The following FOXN3 variants were observed in gnomAD, a reference collection of about 807,000 sequenced individuals.
FOXN3 encodes the protein forkhead box N3.
In FOXN3, 7 loss-of-function variants were observed where a neutral mutation model predicts 38.4. The ratio of observed to expected loss-of-function variants is 0.18; its 90% CI spans 0.10 to 0.34. FOXN3 has a LOEUF of 0.34. Among genes scored for constraint, FOXN3 ranks in the 10% least tolerant of loss-of-function variants. FOXN3 has a pLI of 1.00. For missense variants in FOXN3, 456 were observed against 613.4 expected (o/e 0.74, Z 2.71); for synonymous variants, 230 against 242.2 (o/e 0.95, Z 0.47).
chr14:89,324,300 C>T (rs1162146526), intron 3 of FOXN3, among the ~76,000 whole-genome samples: 3 of 152,058 alleles, frequency 2.0e-5, no homozygotes, highest in Admixed American at 2.0e-4. Context: ...TTAATACATT[C>T]AGGGAGGTGG....
intron 1 of FOXN3, among the ~76,000 whole-genome samples, chr14:89,610,854 T>C (rs1315341117): frequency 6.6e-6 from 1 of 152,226 alleles, no homozygotes; most frequent in African/African-American, 2.4e-5. Flanking sequence ...GCATATGTCT[T>C]TGGCATTTCC....
chr14:89,311,133 T>G (rs1397182690), intron 3 of FOXN3, among the ~76,000 whole-genome samples: 1 of 149,696 alleles, frequency 6.7e-6, no homozygotes, highest in African/African-American at 2.5e-5. Context: ...CTGACATCTT[T>G]TAAAAAAAAT....
intron 2 of FOXN3, among the ~76,000 whole-genome samples, chr14:89,379,480 C>T (rs2140065144): frequency 6.6e-6 from 1 of 152,248 alleles, no homozygotes; most frequent in East Asian, 1.9e-4. Flanking sequence ...GCTCCCCCGA[C>T]AATCTCACAA....
At chr14:89,354,543 TAAA>T (rs760406905) in intron 2 of FOXN3, among the ~76,000 whole-genome samples, 1 of 121,584 alleles carries the variant, frequency 8.2e-6, no homozygotes. Flanking sequence ...TGCTTTTTAT[TAAA>T]AAAAAAAAAA....
chr14:89,349,910 T>A (rs956000776), intron 3 of FOXN3: 1 of 152,154 alleles, frequency 6.6e-6, no homozygotes, highest in Non-Finnish European at 1.5e-5. Flanking sequence ...GATAGAAACA[T>A]TTCTATACAT....
chr14:89,306,814 T>G (rs556754624), intron 3 of FOXN3, among the ~76,000 whole-genome samples: 1 of 152,156 alleles, frequency 6.6e-6, no homozygotes, highest in African/African-American at 2.4e-5. Context: ...CATTTGGTAA[T>G]GGTCAGGGAA....
intron 4 of FOXN3, among the ~76,000 whole-genome samples, chr14:89,208,347 T>C (rs1278204797): frequency 1.3e-5 from 2 of 152,224 alleles, no homozygotes; most frequent in Admixed American, 1.3e-4. Flanking sequence ...TTACTAATTA[T>C]CATTTTTCAC....
intron 1 of FOXN3, among the ~76,000 whole-genome samples, chr14:89,559,101 G>A (rs1047060781): frequency 6.6e-5 from 10 of 151,860 alleles, no homozygotes; most frequent in South Asian, 4.2e-4. Context: ...GGCTCACACC[G>A]GTAATCCCAG....
upstream of FOXN3, among the ~76,000 whole-genome samples, chr14:89,421,100 C>CT (rs1461960119): frequency 1.4e-5 from 2 of 144,624 alleles, no homozygotes; most frequent in East Asian, 2.0e-4. Context: ...TGGGATACTT[C>CT]TTTTTTGTGT....
chr14:89,547,737 T>C (rs988341933), intron 1 of FOXN3, among the ~76,000 whole-genome samples: 2 of 152,240 alleles, frequency 1.3e-5, no homozygotes, highest in African/African-American at 2.4e-5. Flanking sequence ...TATTTCTATC[T>C]TACCCTCCAT....
At chr14:89,216,421 G>T (rs1884284110) in intron 4 of FOXN3, among the ~76,000 whole-genome samples, 1 of 152,134 alleles carries the variant, frequency 6.6e-6, no homozygotes, top group African/African-American at 2.4e-5. Context: ...GATGCATTCA[G>T]AATGCATCTA....
At chr14:89,342,614 A>AT (rs977643193) in intron 3 of FOXN3, among the ~76,000 whole-genome samples, 25 of 152,154 alleles carry the variant, frequency 1.6e-4, no homozygotes, top group South Asian at 1.5e-3. Flanking sequence ...ATCCCCTCCA[A>AT]TTTTTTAACA....
Position 89,162,312 on chromosome 14 carries a change from A to C in FOXN3, c.*102T>G. 1 of 1,048,888 alleles carries C rather than the reference A, an allele frequency of 9.5e-7. No homozygotes were observed. The highest frequency in any genetic ancestry group is 2.7e-5 in the East Asian group (1 of 37,584). The allele number at this position is 1,048,888 out of a possible 1,614,324, so 65.0% of individuals were successfully genotyped here. ...GAAAGAAAACCAAACCAAAAACAAG[A>C]AAAAAGAAAAAAAATTGCTGATATT... On this transcript the variant is annotated 3_prime_UTR_variant, in exon 6 of 6. Transcript: ENST00000557258. This position sits in a 1 kb window ranked among gnomAD's most constrained non-coding sequence, Gnocchi z 7.2.
intron 3 of FOXN3, among the ~76,000 whole-genome samples, chr14:89,337,651 G>C (rs901959024): frequency 3.1e-5 from 2 of 64,260 alleles, no homozygotes; most frequent in Non-Finnish European, 8.6e-5. Context: ...TTTTTTTTGA[G>C]ACGGAGTCTT....
chr14:89,462,935 T>C (rs1274443661), intron 1 of FOXN3, among the ~76,000 whole-genome samples: 2 of 150,608 alleles, frequency 1.3e-5, no homozygotes, highest in Admixed American at 1.3e-4. Context: ...CCACCCATCT[T>C]GGCCTCCCAA....
rs544135342 is a variant in FOXN3 at position 89,583,490 on chromosome 14, G to A, written c.-15+35538C>T. ...GAAGGCCCTCACCAGACCCAATGCT[G>A]GCATTTTGATCTTAAGACTTTCCAG... On this transcript the variant is annotated intron_variant, in intron 1 of 6. Transcript: ENST00000345097. Among the ~76,000 whole-genome samples, 29 of 152,290 alleles carry A rather than the reference G, an allele frequency of 1.9e-4. No individual in the cohort carries two copies. The South Asian group carries it at 6.0e-3, about 32-fold the overall frequency.
intron 3 of FOXN3, among the ~76,000 whole-genome samples, chr14:89,337,636 C>CTCT (rs375356980): frequency 1.4e-5 from 2 of 144,858 alleles, no homozygotes; most frequent in Non-Finnish European, 3.0e-5. Context: ...CTTTTCTTTT[C>CTCT]TTTTTTTTTT....
chr14:89,558,551 C>A (rs1303837913), intron 1 of FOXN3, among the ~76,000 whole-genome samples: 3 of 152,172 alleles, frequency 2.0e-5, no homozygotes, highest in African/African-American at 7.2e-5. Context: ...AAGGTAGGAA[C>A]CTGGTTACCA....
In FOXN3 at chr14:89,163,340, C is replaced by T. The variant is rs753997281; in HGVS notation, c.852-371G>A. Among the ~76,000 whole-genome samples the T allele has an allele frequency of 1.3e-5, 2 of 152,186 alleles. No individual in the cohort carries two copies. The highest frequency in any genetic ancestry group is 2.9e-5 in the Non-Finnish European group (2 of 68,032). ...CACCACAGAGTCAGACACCGCCAGA[C>T]GATGTTGGCTGGGTACTTCAGAGAA... On this transcript the variant is annotated intron_variant, in intron 5 of 5. Transcript: ENST00000557258. The surrounding 1 kb of genome is among the most constrained non-coding windows in gnomAD (Gnocchi z 4.3).
Sources: gnomAD v4.1 joint callset for allele counts (sites outside exome capture counted in the v4.1 genomes callset) on GRCh38, gnomAD v4.1.1 for gene constraint, Gnocchi (gnomAD v3.1) non-coding constraint, MANE v1.5 for transcripts, NCBI Gene and HGNC (gene_info 2026-07-23, HGNC 2026-07-21) for gene names.